The following AGBL1 variants were observed in gnomAD, a reference collection of about 807,000 sequenced individuals.
The protein encoded by AGBL1 is cytosolic carboxypeptidase 4.
A neutral mutation model predicts 118.9 loss-of-function variants in AGBL1; 130 were observed. The ratio of observed to expected loss-of-function variants is 1.09; its 90% CI spans 0.95 to 1.26. The LOEUF (loss-of-function observed/expected upper bound fraction) is 1.26, where lower values mean the gene tolerates loss of function less well. AGBL1 is among the 50% of genes most tolerant of loss of function. The pLI, the probability that AGBL1 is intolerant of heterozygous loss-of-function variation, is 0.00. For synonymous variants in AGBL1, 555 were observed against 478.9 expected, an observed-to-expected ratio of 1.16 and a Z score of -2.08; for missense variants, 1,584 against 1,298.1, an observed-to-expected ratio of 1.22 and a Z score of -3.38.
chr15:86,801,960 A>G (rs1254411944), intron 22 of AGBL1, among the ~76,000 whole-genome samples: 1 of 152,178 alleles, frequency 6.6e-6, no homozygotes, highest in Non-Finnish European at 1.5e-5. Context: ...CCTGACAACA[A>G]CTTATGGATG....
intron 5 of AGBL1, among the ~76,000 whole-genome samples, chr15:86,181,627 A>G (rs1211384092): frequency 6.6e-6 from 1 of 152,048 alleles, no homozygotes; most frequent in Non-Finnish European, 1.5e-5. Context: ...ACATACATGA[A>G]ATCTCATCAA....
intron 24 of AGBL1, among the ~76,000 whole-genome samples, chr15:87,004,827 G>T (rs577962078): frequency 6.6e-6 from 1 of 152,272 alleles, no homozygotes; most frequent in East Asian, 1.9e-4. Context: ...GCAGTGGCTG[G>T]TTCCGGTTGT....
intron 18 of AGBL1, among the ~76,000 whole-genome samples, chr15:86,445,140 G>C (rs1460190087): frequency 6.6e-6 from 1 of 152,148 alleles, no homozygotes; most frequent in African/African-American, 2.4e-5. Context: ...GCCTCAGACA[G>C]GGGTCAAGAA....
intron 21 of AGBL1, among the ~76,000 whole-genome samples, chr15:86,656,766 C>T (rs919322468): frequency 6.6e-6 from 1 of 152,076 alleles, no homozygotes; most frequent in Non-Finnish European, 1.5e-5. Context: ...TGTTTACCTT[C>T]CATGGAAGAG....
intron 5 of AGBL1, among the ~76,000 whole-genome samples, chr15:86,186,060 C>G (rs2077627962): frequency 6.6e-6 from 1 of 152,166 alleles, no homozygotes; most frequent in Non-Finnish European, 1.5e-5. Context: ...GTGTCCAAAA[C>G]TTGAACAATT....
chr15:86,574,944 A>C (rs1416953552), intron 21 of AGBL1, among the ~76,000 whole-genome samples: 1 of 151,824 alleles, frequency 6.6e-6, no homozygotes, highest in Non-Finnish European at 1.5e-5. Flanking sequence ...TAATCCCAGC[A>C]CTTTGGGAGG....
intron 23 of AGBL1, among the ~76,000 whole-genome samples, chr15:86,948,911 G>C (rs1030506790): frequency 1.3e-5 from 2 of 152,308 alleles, no homozygotes; most frequent in African/African-American, 2.4e-5. Context: ...TGTAAATAAA[G>C]TATCCTGGAA....
chr15:86,894,900 A>G (rs766240156), intron 22 of AGBL1, among the ~76,000 whole-genome samples: 6 of 152,194 alleles, frequency 3.9e-5, no homozygotes, highest in Non-Finnish European at 5.9e-5. Flanking sequence ...GTGTCAAGGC[A>G]GTTTTATTGC....
intron 21 of AGBL1, among the ~76,000 whole-genome samples, chr15:86,578,878 CG>C (rs2084135336): frequency 6.6e-6 from 1 of 152,090 alleles, no homozygotes; most frequent in South Asian, 2.1e-4. Context: ...TGCTCAGTCT[CG>C]GGTATGTCTT....
At chr15:86,263,523 C>T (rs1021984161) in intron 10 of AGBL1, among the ~76,000 whole-genome samples, 8 of 152,176 alleles carry the variant, frequency 5.3e-5, no homozygotes, top group African/African-American at 1.9e-4. Flanking sequence ...GTGCCCTGCC[C>T]CCATGCACTG....
At position 86,831,522 on chromosome 15, in the gene AGBL1, A is replaced by T. The variant is rs77184313; in HGVS notation, c.3159-75565A>T. 2.0e-5 allele frequency among the ~76,000 whole-genome samples: 3 copies of T among 152,318 alleles called. No homozygotes were observed. The East Asian group carries it at 5.8e-4, about 29-fold the overall frequency. On this transcript the variant is annotated intron_variant, in intron 22 of 22. Coordinates refer to ENST00000614907, the MANE Select transcript of AGBL1 (RefSeq NM_001386094.1). ...GGCTAAAACAAAGGGGCTACATGCA[A>T]TTCTGAAATCCGGAAGGCCAGTCAA...
intron 1 of AGBL1, among the ~76,000 whole-genome samples, chr15:86,124,329 C>CAAAAAAAAAA (rs71144030): frequency 1.1e-5 from 1 of 93,228 alleles, no homozygotes; most frequent in African/African-American, 3.6e-5. Context: ...GACTCTGTCT[C>CAAAAAAAAAA]AAAAAAAAAA....
chr15:86,771,401 G>A (rs569640374), intron 22 of AGBL1, among the ~76,000 whole-genome samples: 5 of 151,944 alleles, frequency 3.3e-5, no homozygotes, highest in Admixed American at 2.0e-4. Flanking sequence ...GGGATCAAAT[G>A]CTTGCTCTTT....
chr15:86,269,780 A>G, intron 13 of AGBL1, 139 bp from the exon 14 acceptor site: 2 of 956,972 alleles, frequency 2.1e-6, no homozygotes, highest in Non-Finnish European at 3.0e-6. Context: ...TATCAGGATG[A>G]TAAGTATAAC....
intron 22 of AGBL1, among the ~76,000 whole-genome samples, chr15:86,821,511 A>T (rs1371125815): frequency 1.3e-5 from 2 of 152,146 alleles, no homozygotes; most frequent in Non-Finnish European, 2.9e-5. Flanking sequence ...ACCAAGTTTT[A>T]AAAAAGATAA....
chr15:86,985,195 T>C (rs1253057532), intron 23 of AGBL1, among the ~76,000 whole-genome samples: 14 of 152,238 alleles, frequency 9.2e-5, no homozygotes, highest in Non-Finnish European at 4.4e-5. Context: ...AAAACCTCTA[T>C]GGACATTCAT....
rs1387237910 is a variant in AGBL1 at position 86,960,250 on chromosome 15, A to G, written c.3222-27737A>G. On this transcript the variant is annotated intron_variant, in intron 23 of 24. Transcript: ENST00000441037. Reference sequence around the variant, plus strand: ...TTAGTTTTTATTCTATTAGGGAGCTACTTCTAGATCTTATACCCATTCAAG... The same window carrying G: ...TTAGTTTTTATTCTATTAGGGAGCTGCTTCTAGATCTTATACCCATTCAAG... Among the ~76,000 whole-genome samples, 3 of 152,042 alleles carry G rather than the reference A, an allele frequency of 2.0e-5. No homozygotes were observed. In the East Asian group the frequency reaches 5.8e-4, roughly 29 times the overall value.
intron 9 of AGBL1, among the ~76,000 whole-genome samples, chr15:86,258,573 T>G (rs1323303062): frequency 6.6e-6 from 1 of 152,226 alleles, no homozygotes; most frequent in Non-Finnish European, 1.5e-5. Context: ...GTTGGTGAAC[T>G]TCCTATAAAA....
chr15:86,311,263 A>G (rs1386537561), intron 17 of AGBL1, among the ~76,000 whole-genome samples: 1 of 152,212 alleles, frequency 6.6e-6, no homozygotes, highest in Non-Finnish European at 1.5e-5. Flanking sequence ...CAGGTTGTTC[A>G]GAATAGTTAG....
Sources: gnomAD v4.1 joint callset for allele counts (sites outside exome capture counted in the v4.1 genomes callset) on GRCh38, gnomAD v4.1.1 for gene constraint, MANE v1.5 for transcripts, NCBI Gene and HGNC (gene_info 2026-07-23, HGNC 2026-07-21) for gene names.